Variants in MAP2K1 observed in about 807,000 individuals in gnomAD.
MAP2K1 encodes the protein dual specificity mitogen-activated protein kinase kinase 1.
MAP2K1 carries 16 observed loss-of-function variants against 46.3 expected under a neutral mutation model. The ratio of observed to expected loss-of-function variants is 0.35; its 90% CI spans 0.23 to 0.52. The LOEUF (loss-of-function observed/expected upper bound fraction) is 0.52, where lower values mean the gene tolerates loss of function less well. Among genes scored for constraint, MAP2K1 ranks in the 20% least tolerant of loss-of-function variants. The pLI, the probability that MAP2K1 is intolerant of heterozygous loss-of-function variation, is 0.94. For missense variants in MAP2K1, 263 were observed against 497.1 expected (o/e 0.53, Z 4.48); for synonymous variants, 183 against 185.6 (o/e 0.99, Z 0.11).
intron 5 of MAP2K1, among the ~76,000 whole-genome samples, chr15:66,460,776 C>A (rs2140632250): frequency 6.6e-6 from 1 of 152,004 alleles, no homozygotes; most frequent in African/African-American, 2.4e-5. Flanking sequence ...AAGGGGGGGT[C>A]TGAGTTAGGA....
intron 5 of MAP2K1, among the ~76,000 whole-genome samples, chr15:66,466,371 G>C (rs146899322): frequency 1.3e-5 from 2 of 152,148 alleles, no homozygotes; most frequent in African/African-American, 4.8e-5. Context: ...TTTCATAGGC[G>C]TATGTATACT....
intron 5 of MAP2K1, among the ~76,000 whole-genome samples, chr15:66,454,296 T>C (rs368247448): frequency 1.3e-5 from 2 of 152,146 alleles, no homozygotes; most frequent in African/African-American, 4.8e-5. Flanking sequence ...CCCGTTTTTT[T>C]CCACTGTATC....
intron 5 of MAP2K1, among the ~76,000 whole-genome samples, chr15:66,470,632 A>G (rs1214200629): frequency 6.6e-6 from 1 of 152,216 alleles, no homozygotes; most frequent in Non-Finnish European, 1.5e-5. Flanking sequence ...AGGTGCTTCC[A>G]GGCGTCAGCA....
chr15:66,459,443 C>T (rs1331972612), intron 5 of MAP2K1, among the ~76,000 whole-genome samples: 1 of 151,704 alleles, frequency 6.6e-6, no homozygotes, highest in Non-Finnish European at 1.5e-5. Flanking sequence ...ATGGTGAAAC[C>T]CCGTCTCTAC....
At chr15:66,487,351 C>T (rs1217400157) in intron 8 of MAP2K1, 59 bp downstream of exon 8, 2 of 1,535,312 alleles carry the variant, frequency 1.3e-6, no homozygotes, top group East Asian at 2.2e-5. Flanking sequence ...AAGAAAACAC[C>T]CAGGTGGCCG....
chr15:66,483,817 G>A (rs903536679), intron 6 of MAP2K1, among the ~76,000 whole-genome samples: 1 of 143,776 alleles, frequency 7.0e-6, no homozygotes, highest in Non-Finnish European at 1.5e-5. Flanking sequence ...GTGCAATCTC[G>A]GCTTACTGCA....
intron 5 of MAP2K1, among the ~76,000 whole-genome samples, chr15:66,460,834 G>GTGC (rs1892299602): frequency 6.6e-6 from 1 of 152,128 alleles, no homozygotes; most frequent in Non-Finnish European, 1.5e-5. Flanking sequence ...GAGAGAGATG[G>GTGC]TGCAAAGGGC....
intron 10 of MAP2K1, chr15:66,490,035 G>A (rs1006934651): frequency 2.4e-5 from 14 of 575,344 alleles, no homozygotes; most frequent in Non-Finnish European, 3.4e-5. Context: ...CCCCCTTCAT[G>A]GGGATGCGGC....
intron 1 of MAP2K1, among the ~76,000 whole-genome samples, chr15:66,414,135 T>C (rs2093418684): frequency 6.6e-6 from 1 of 152,048 alleles, no homozygotes; most frequent in East Asian, 1.9e-4. Flanking sequence ...CAACTCACCT[T>C]TTCCAAAAAA....
intron 1 of MAP2K1, among the ~76,000 whole-genome samples, chr15:66,411,677 A>C (rs1401614471): frequency 6.6e-6 from 1 of 152,200 alleles, no homozygotes; most frequent in South Asian, 2.1e-4. Flanking sequence ...TCATTGGTGT[A>C]TTCTTCAGTG....
At chr15:66,413,480 T>C (rs1323292156) in intron 1 of MAP2K1, among the ~76,000 whole-genome samples, 16 of 152,196 alleles carry the variant, frequency 1.1e-4, no homozygotes, top group Non-Finnish European at 2.2e-4. Flanking sequence ...TGTCTACCTG[T>C]TCATAATACT....
chr15:66,458,529 C>T (rs1228757195), intron 5 of MAP2K1, among the ~76,000 whole-genome samples: 3 of 152,006 alleles, frequency 2.0e-5, no homozygotes, highest in Non-Finnish European at 2.9e-5. Context: ...TATAAATGAA[C>T]GAATGACAGG....
chr15:66,398,291 G>A (rs570163479), intron 1 of MAP2K1, among the ~76,000 whole-genome samples: 21 of 151,744 alleles, frequency 1.4e-4, no homozygotes, highest in African/African-American at 4.1e-4. Context: ...TGGTGCGTGC[G>A]TGTAGTCCCT....
At chr15:66,489,330 C>T (rs1240039288) in intron 9 of MAP2K1, 54 bp downstream of exon 9, 79 of 1,507,026 alleles carry the variant, frequency 5.2e-5, no homozygotes, top group Non-Finnish European at 6.9e-5. Flanking sequence ...GTCAGGCTCC[C>T]CACCCCATTT....
At chr15:66,416,197 A>G (rs1350189446) in intron 1 of MAP2K1, among the ~76,000 whole-genome samples, 2 of 152,068 alleles carry the variant, frequency 1.3e-5, no homozygotes, top group Non-Finnish European at 2.9e-5. Flanking sequence ...GTTTTTCTGT[A>G]TGTTCCCATA....
chr15:66,397,960 G>A (rs371356012), intron 1 of MAP2K1, among the ~76,000 whole-genome samples: 7 of 152,304 alleles, frequency 4.6e-5, no homozygotes, highest in Admixed American at 2.0e-4. Flanking sequence ...AAATTAGCCA[G>A]GTGTGGTGGC....
At chr15:66,469,693 GACACACACAC>G (rs56197290) in intron 5 of MAP2K1, among the ~76,000 whole-genome samples, 3 of 84,872 alleles carry the variant, frequency 3.5e-5, no homozygotes, top group Non-Finnish European at 7.0e-5. Context: ...TCCTTTTAAA[GACACACACAC>G]ACACACACAC....
Position 66,444,709 on chromosome 15 carries a change from TAAG to T in MAP2K1, c.568+6_568+8del. On this transcript the variant is annotated splice_donor_5th_base_variant and intron_variant, in intron 5 of 10. Transcript: ENST00000307102. ...AGAAGCACAAGATCATGCACAGAGGTAAGAAGTTATTTGCTAGTTATTTTGCTT... is the reference window on the plus strand; with the variant it reads ...AGAAGCACAAGATCATGCACAGAGGTAAGTTATTTGCTAGTTATTTTGCTT... The T allele has an allele frequency of 6.2e-7, 1 of 1,610,694 alleles. No individual in the cohort carries two copies. Among genetic ancestry groups the T allele is most frequent in the Non-Finnish European group, 8.5e-7 (1 of 1,176,936 alleles).
intron 5 of MAP2K1, among the ~76,000 whole-genome samples, chr15:66,461,784 A>G (rs1026395276): frequency 1.3e-5 from 2 of 151,882 alleles, no homozygotes; most frequent in Non-Finnish European, 2.9e-5. Context: ...CTCTCCCTTT[A>G]CCTTTCTGGC....
Sources: gnomAD v4.1 joint callset for allele counts (sites outside exome capture counted in the v4.1 genomes callset) on GRCh38, gnomAD v4.1.1 for gene constraint, MANE v1.5 for transcripts, NCBI Gene and HGNC (gene_info 2026-07-23, HGNC 2026-07-21) for gene names.